USP31: variants seen among roughly 807,000 people sequenced by gnomAD.
USP31 encodes ubiquitin specific peptidase 31, also known as ubiquitin carboxyl-terminal hydrolase 31.
A neutral mutation model predicts 119.4 loss-of-function variants in USP31; 44 were observed. The ratio of observed to expected loss-of-function variants is 0.37; its 90% CI spans 0.29 to 0.47. The LOEUF is 0.47. Ranked by LOEUF, USP31 falls within the 20% of genes least tolerant of loss-of-function variation. The probability of loss-of-function intolerance (pLI) is 0.99; values close to 1 mark genes in which losing one functional copy is unlikely to be tolerated. For missense variants in USP31, 1,643 were observed against 1,730.2 expected (o/e 0.95, Z 0.89); for synonymous variants, 749 against 705.6 (o/e 1.06, Z -0.97).
rs1301347621 is a variant in USP31 at position 23,067,812 on chromosome 16, T to G, written c.*234A>C. The G allele has an allele frequency of 2.2e-6, 1 of 462,356 alleles. No homozygotes were observed. Among genetic ancestry groups the G allele is most frequent in the Non-Finnish European group, 3.8e-6 (1 of 266,582 alleles). The allele number at this position is 462,356 out of a possible 1,614,324, so 28.6% of individuals were successfully genotyped here. ...TCGTCTACAATTATTCCAGTTAGCTTGGTGTCAATGTTTTGCCTATGGCTG... is the reference window on the plus strand; with the variant it reads ...TCGTCTACAATTATTCCAGTTAGCTGGGTGTCAATGTTTTGCCTATGGCTG... On this transcript the variant is annotated 3_prime_UTR_variant, in exon 16 of 16. Coordinates refer to ENST00000219689, the MANE Select transcript of USP31 (RefSeq NM_020718.4).
chr16:23,090,487 A>T (rs963406713), intron 7 of USP31, 137 bp downstream of exon 7: 1 of 901,722 alleles, frequency 1.1e-6, no homozygotes, highest in Non-Finnish European at 1.6e-6. Flanking sequence ...GTCAACTTGT[A>T]CATGTATTCT....
rs76617414 is a variant in USP31 at position 23,090,847 on chromosome 16, A to T, written c.1235-43T>A. 1,067 of 1,417,024 alleles carry T rather than the reference A, an allele frequency of 7.5e-4. 6 individuals are homozygous for T. In the East Asian group the frequency reaches 0.016, roughly 21 times the overall value. The allele number at this position is 1,417,024 out of a possible 1,614,324, so 87.8% of individuals were successfully genotyped here. The stretch of plus-strand genomic sequence containing the variant: ...CAACTCATTTTATCTCTTCAAAATT[A>T]TTTTTATTCACTCGTTATGAAGAAA... On this transcript the variant is annotated intron_variant, in intron 6 of 15. Coordinates refer to ENST00000219689, the MANE Select transcript of USP31 (RefSeq NM_020718.4).
chr16:23,092,277 A>C (rs576635535), intron 6 of USP31, among the ~76,000 whole-genome samples: 2 of 152,226 alleles, frequency 1.3e-5, no homozygotes, highest in Non-Finnish European at 2.9e-5. Context: ...ATTCACTTAT[A>C]AATAGAAGCT....
chr16:23,121,617 T>C (rs1461239284), intron 1 of USP31, among the ~76,000 whole-genome samples: 1 of 152,264 alleles, frequency 6.6e-6, no homozygotes, highest in Non-Finnish European at 1.5e-5. Flanking sequence ...ATCAAAATGT[T>C]ACTATCATAT....
At chr16:23,078,041 C>T (rs952960781) in intron 13 of USP31, among the ~76,000 whole-genome samples, 4 of 152,106 alleles carry the variant, frequency 2.6e-5, no homozygotes, top group Non-Finnish European at 5.9e-5. Context: ...AGGCCGGGCG[C>T]AGTGGCTCAT....
chr16:23,106,179 A>G (rs1465948146), intron 4 of USP31, 34 bp downstream of exon 4: 1 of 1,612,668 alleles, frequency 6.2e-7, no homozygotes, highest in South Asian at 1.1e-5. Context: ...ACCATAAGAA[A>G]ATACAGTCTT....
At chr16:23,112,392 A>G (rs751467411) in intron 1 of USP31, among the ~76,000 whole-genome samples, 10 of 152,032 alleles carry the variant, frequency 6.6e-5, no homozygotes, top group Non-Finnish European at 1.2e-4. Context: ...CAGCCTGACC[A>G]ACATGGTGAA....
intron 1 of USP31, among the ~76,000 whole-genome samples, chr16:23,118,338 C>T (rs745591012): frequency 7.2e-5 from 11 of 152,026 alleles, no homozygotes; most frequent in African/African-American, 2.2e-4. Context: ...ATAAAGAAAA[C>T]GAGAAAATAT....
chr16:23,134,432 CT>C (rs1903124143), intron 1 of USP31, among the ~76,000 whole-genome samples: 1 of 152,084 alleles, frequency 6.6e-6, no homozygotes, highest in Non-Finnish European at 1.5e-5. Context: ...TCAAAACAGC[CT>C]TATGAAACAG....
chr16:23,078,079 CAAG>C (rs370183011), intron 13 of USP31, among the ~76,000 whole-genome samples: 4 of 151,954 alleles, frequency 2.6e-5, no homozygotes, highest in African/African-American at 7.3e-5. Flanking sequence ...TTTGGGAGGC[CAAG>C]GAGGGCAGAT....
chr16:23,148,078 T>C (rs540475997), intron 1 of USP31, among the ~76,000 whole-genome samples: 1 of 152,324 alleles, frequency 6.6e-6, no homozygotes, highest in South Asian at 2.1e-4. Context: ...ACACATGATA[T>C]GGAAGTATTT....
chr16:23,113,674 G>C (rs1410003515), intron 1 of USP31, among the ~76,000 whole-genome samples: 1 of 152,196 alleles, frequency 6.6e-6, no homozygotes, highest in African/African-American at 2.4e-5. Context: ...GACTGCCAGA[G>C]ATCATTCTTC....
intron 1 of USP31, among the ~76,000 whole-genome samples, chr16:23,144,962 G>A (rs936291129): frequency 1.3e-5 from 2 of 152,254 alleles, no homozygotes; most frequent in Middle Eastern, 3.4e-3. Context: ...AACTTGCAGA[G>A]GATGAAATCC....
At chr16:23,141,035 A>G (rs944664426) in intron 1 of USP31, among the ~76,000 whole-genome samples, 5 of 152,212 alleles carry the variant, frequency 3.3e-5, no homozygotes, top group Non-Finnish European at 7.3e-5. Flanking sequence ...TTCAGTGCCC[A>G]GAATAACCAC....
chr16:23,138,630 C>CCCATTCTACCTTGTA (rs1281646434), intron 1 of USP31, among the ~76,000 whole-genome samples: 3 of 152,196 alleles, frequency 2.0e-5, no homozygotes, highest in Non-Finnish European at 2.9e-5. Context: ...TGGGCCTCCT[C>CCCATTCTACCTTGTA]CCATTCTACC....
chr16:23,101,645 T>C (rs1239647598), intron 6 of USP31, among the ~76,000 whole-genome samples: 1 of 152,080 alleles, frequency 6.6e-6, no homozygotes, highest in Admixed American at 6.6e-5. Context: ...TCCCAGGTAA[T>C]ACTGATGCAT....
rs149961303 is a variant in USP31, at chr16:23,131,598, G to A, written c.633+17040C>T. The stretch of plus-strand genomic sequence containing the variant: ...CACTAGAGTACCAAAGGACTGAAAT[G>A]AGCAAGCAGTAAAATGAGTGTAGCA... On this transcript the variant is annotated intron_variant, in intron 1 of 15. Coordinates refer to ENST00000219689, the MANE Select transcript of USP31 (RefSeq NM_020718.4). 3.0e-3 allele frequency among the ~76,000 whole-genome samples: 463 copies of A among 152,206 alleles called. 2 individuals are homozygous for A. The highest frequency in any genetic ancestry group is 0.011 in the African/African-American group (445 of 41,538).
chr16:23,098,069 A>C (rs1901692645), intron 6 of USP31, among the ~76,000 whole-genome samples: 1 of 152,196 alleles, frequency 6.6e-6, no homozygotes, highest in African/African-American at 2.4e-5. Context: ...TATATCTAGA[A>C]AACCCCATCG....
Position 23,148,579 on chromosome 16 carries a change from GCGGGCAGGTGCCCCAGGGGCT to G in USP31, c.633+38_633+58del, listed in dbSNP as rs967212021. ...AGGAACCGAGGGAAGGAAGACCTGG[GCGGGCAGGTGCCCCAGGGGCT>G]CGGGGTGCAGTGGGGGCGCGGCGGC... On this transcript the variant is annotated intron_variant, in intron 1 of 15. Transcript: ENST00000219689. The G allele has an allele frequency of 6.6e-5, 93 of 1,405,924 alleles. No individual in the cohort carries two copies. The African/African-American group carries it at 1.2e-3, about 18-fold the overall frequency. 87.1% of individuals were successfully genotyped at this position (1,405,924 alleles called of 1,614,324 possible).
Sources: allele counts gnomAD v4.1 joint callset (sites outside exome capture counted in the v4.1 genomes callset), GRCh38; gene constraint gnomAD v4.1.1; transcripts MANE v1.5; gene names NCBI Gene and HGNC (gene_info 2026-07-23, HGNC 2026-07-21).